The following TMEM117 variants were observed in gnomAD, a reference collection of about 807,000 sequenced individuals.
TMEM117 encodes transmembrane protein 117.
TMEM117 carries 27 observed loss-of-function variants against 52.4 expected under a neutral mutation model. The observed-to-expected ratio is 0.51, with a 90% CI of 0.38 to 0.71. TMEM117 has a LOEUF of 0.71. TMEM117 is among the 30% of genes least tolerant of loss of function. The pLI, the probability that TMEM117 is intolerant of heterozygous loss-of-function variation, is 0.00. For synonymous variants in TMEM117, 215 were observed against 206.3 expected (o/e 1.04, Z -0.36); for missense variants, 556 against 630.5 (o/e 0.88, Z 1.26).
chr12:44,196,227 C>T (rs1034356454), intron 4 of TMEM117, among the ~76,000 whole-genome samples: 6 of 151,888 alleles, frequency 4.0e-5, no homozygotes, highest in Non-Finnish European at 7.4e-5. Flanking sequence ...AACAAAAGAA[C>T]AGGTAAATCA....
At chr12:44,024,287 C>T (rs764310828) in intron 3 of TMEM117, among the ~76,000 whole-genome samples, 2 of 152,056 alleles carry the variant, frequency 1.3e-5, no homozygotes, top group African/African-American at 2.4e-5. Context: ...AGCAGAAATG[C>T]CTTTGATGGA....
intron 6 of TMEM117, among the ~76,000 whole-genome samples, chr12:44,345,084 G>T (rs1951467212): frequency 6.6e-6 from 1 of 152,026 alleles, no homozygotes; most frequent in African/African-American, 2.4e-5. Context: ...TACAGGCTGG[G>T]TTGGACTTGG....
chr12:44,115,364 G>A (rs968883062), intron 3 of TMEM117, among the ~76,000 whole-genome samples: 1 of 152,018 alleles, frequency 6.6e-6, no homozygotes, highest in Non-Finnish European at 1.5e-5. Context: ...TGTAAATGTC[G>A]ACTTAATGGG....
intron 6 of TMEM117, among the ~76,000 whole-genome samples, chr12:44,333,338 C>G (rs1951297633): frequency 6.6e-6 from 1 of 152,012 alleles, no homozygotes. Flanking sequence ...AGCCTGGAAT[C>G]TTGTGATAGA....
intron 2 of TMEM117, among the ~76,000 whole-genome samples, chr12:43,935,127 A>ATC (rs1441577501): frequency 6.6e-6 from 1 of 151,962 alleles, no homozygotes; most frequent in African/African-American, 2.4e-5. Flanking sequence ...TCCCACCTCA[A>ATC]TCTCTGGAGT....
At chr12:44,398,256 G>T in the TMEM117 span, among the ~76,000 whole-genome samples, 2 of 152,112 alleles carry the variant, frequency 1.3e-5, no homozygotes, top group Non-Finnish European at 2.9e-5. Context: ...AGGAGTAGCT[G>T]CCAAAGAAGG....
intron 4 of TMEM117, among the ~76,000 whole-genome samples, chr12:44,186,704 T>C (rs902339474): frequency 1.2e-4 from 18 of 152,244 alleles, no homozygotes; most frequent in African/African-American, 3.9e-4. Flanking sequence ...GTGTCTAATA[T>C]TAGGACTACC....
chr12:44,357,930 A>C (rs1219600835), intron 6 of TMEM117, among the ~76,000 whole-genome samples: 1 of 152,192 alleles, frequency 6.6e-6, no homozygotes, highest in Admixed American at 6.5e-5. Flanking sequence ...CTAGGTGCCC[A>C]TCAGTGGTGG....
Position 43,985,884 on chromosome 12 carries a change from C to T in TMEM117, c.410+41542C>T, listed in dbSNP as rs143790011. On this transcript the variant is annotated intron_variant, in intron 3 of 7. Coordinates refer to ENST00000266534, the MANE Select transcript of TMEM117 (RefSeq NM_032256.3). ...ACTGAGGGGTCCAGAGGACATACTTCAAGTTGAAAGTTCTATGTTTGTTGG... is the reference window on the plus strand; with the variant it reads ...ACTGAGGGGTCCAGAGGACATACTTTAAGTTGAAAGTTCTATGTTTGTTGG... Among the ~76,000 whole-genome samples, 52 of 152,284 alleles carry T rather than the reference C, an allele frequency of 3.4e-4. 2 individuals are homozygous for T. Among genetic ancestry groups the T allele is most frequent in the African/African-American group, 1.2e-3 (48 of 41,570 alleles).
At chr12:44,378,970 G>A (rs2138856372) in intron 7 of TMEM117, among the ~76,000 whole-genome samples, 1 of 152,160 alleles carries the variant, frequency 6.6e-6, no homozygotes, top group Non-Finnish European at 1.5e-5. Context: ...GAGGATTCTG[G>A]AGCTTAAATT....
chr12:43,800,573 T>C, the TMEM117 span: 1 of 1,478,432 alleles, frequency 6.8e-7, no homozygotes, highest in East Asian at 2.3e-5. Context: ...GATGAAAACA[T>C]AACATTACAA....
chr12:44,206,094 CTTTTAA>C (rs1441738450), intron 4 of TMEM117, among the ~76,000 whole-genome samples: 3 of 152,134 alleles, frequency 2.0e-5, no homozygotes, highest in Non-Finnish European at 4.4e-5. Flanking sequence ...AGCATTATTT[CTTTTAA>C]TTTTATTTTA....
chr12:44,115,780 C>T (rs1044374948), intron 3 of TMEM117, among the ~76,000 whole-genome samples: 1 of 152,146 alleles, frequency 6.6e-6, no homozygotes, highest in Non-Finnish European at 1.5e-5. Flanking sequence ...TGTACTATGC[C>T]TGGGCTGGTG....
chr12:44,192,058 A>G (rs1949362267), intron 4 of TMEM117, among the ~76,000 whole-genome samples: 1 of 152,176 alleles, frequency 6.6e-6, no homozygotes, highest in Non-Finnish European at 1.5e-5. Context: ...ATTGGTACTA[A>G]TCACACTTAT....
chr12:44,092,669 A>G (rs1478495801), intron 3 of TMEM117, among the ~76,000 whole-genome samples: 22 of 152,288 alleles, frequency 1.4e-4, no homozygotes, highest in Non-Finnish European at 1.3e-4. Context: ...CACACACTAT[A>G]GAAAACCAGA....
chr12:44,045,627 G>T (rs553153036), intron 3 of TMEM117, among the ~76,000 whole-genome samples: 1 of 152,054 alleles, frequency 6.6e-6, no homozygotes, highest in East Asian at 1.9e-4. Flanking sequence ...GTTGGATCAC[G>T]AGGTCAGGAG....
chr12:44,147,386 G>A (rs1277794940), intron 4 of TMEM117, among the ~76,000 whole-genome samples: 1 of 152,118 alleles, frequency 6.6e-6, no homozygotes, highest in Non-Finnish European at 1.5e-5. Context: ...TGAGGTCTAA[G>A]GTGGCAGGGG....
intron 3 of TMEM117, among the ~76,000 whole-genome samples, chr12:43,987,131 G>C (rs555894224): frequency 6.6e-6 from 1 of 152,216 alleles, no homozygotes; most frequent in East Asian, 1.9e-4. Context: ...TATGACTTGT[G>C]TCTTTATAAG....
intron 4 of TMEM117, among the ~76,000 whole-genome samples, chr12:44,190,403 G>T (rs1464583274): frequency 6.6e-6 from 1 of 152,088 alleles, no homozygotes; most frequent in African/African-American, 2.4e-5. Context: ...AGAGTTCTGG[G>T]TTCTACTTCA....
Sources: gnomAD v4.1 joint callset for allele counts (sites outside exome capture counted in the v4.1 genomes callset) on GRCh38, gnomAD v4.1.1 for gene constraint, MANE v1.5 for transcripts, NCBI Gene and HGNC (gene_info 2026-07-23, HGNC 2026-07-21) for gene names.